Variants in CDH13 observed in about 807,000 individuals in gnomAD.
CDH13 encodes cadherin 13.
CDH13 carries 24 observed loss-of-function variants against 63.8 expected under a neutral mutation model. The observed-to-expected ratio is 0.38, with a 90% confidence interval of 0.27 to 0.53. CDH13 has a LOEUF of 0.53. Among genes scored for constraint, CDH13 ranks in the 20% least tolerant of loss-of-function variants. CDH13 has a pLI of 0.85. For synonymous variants in CDH13, 503 were observed against 355.3 expected, an observed-to-expected ratio of 1.42 and a Z score of -4.67; for missense variants, 1,049 against 903.1, an observed-to-expected ratio of 1.16 and a Z score of -2.07.
intron 2 of CDH13, among the ~76,000 whole-genome samples, chr16:82,904,428 G>C (rs780449002): frequency 6.6e-6 from 1 of 152,144 alleles, no homozygotes; most frequent in Non-Finnish European, 1.5e-5. Context: ...TTTTCTCCAA[G>C]ACACCCTCGT....
At chr16:82,846,523 G>T (rs1035390079) in intron 1 of CDH13, among the ~76,000 whole-genome samples, 1 of 152,132 alleles carries the variant, frequency 6.6e-6, no homozygotes, top group Non-Finnish European at 1.5e-5. Context: ...AGGAAACTAA[G>T]GCAAAGAGAA....
At chr16:83,244,975 T>C (rs1904843408) in intron 5 of CDH13, among the ~76,000 whole-genome samples, 1 of 152,112 alleles carries the variant, frequency 6.6e-6, no homozygotes, top group African/African-American at 2.4e-5. Flanking sequence ...TTTAGGCACG[T>C]TGAGCCACTC....
chr16:83,686,278 C>T (rs1463671727), intron 10 of CDH13, among the ~76,000 whole-genome samples: 4 of 152,212 alleles, frequency 2.6e-5, no homozygotes, highest in East Asian at 1.9e-4. Flanking sequence ...CATCTTCCCA[C>T]GAGACTTTGT....
intron 1 of CDH13, among the ~76,000 whole-genome samples, chr16:82,777,205 G>A (rs1353166730): frequency 6.6e-6 from 1 of 152,152 alleles, no homozygotes; most frequent in African/African-American, 2.4e-5. Flanking sequence ...CTGGCCTCAA[G>A]CAATCCTCTC....
At chr16:83,460,146 G>A (rs1226098500) in intron 6 of CDH13, among the ~76,000 whole-genome samples, 2 of 152,132 alleles carry the variant, frequency 1.3e-5, no homozygotes, top group East Asian at 3.9e-4. Context: ...ATAAAAAACT[G>A]TTCACACTCA....
chr16:83,390,337 A>G (rs575644044), intron 6 of CDH13, among the ~76,000 whole-genome samples: 8 of 152,262 alleles, frequency 5.3e-5, no homozygotes, highest in African/African-American at 1.9e-4. Flanking sequence ...AGAACCCTGC[A>G]TATGCCATAA....
intron 4 of CDH13, among the ~76,000 whole-genome samples, chr16:83,155,936 G>A (rs943038902): frequency 6.6e-6 from 1 of 152,182 alleles, no homozygotes; most frequent in African/African-American, 2.4e-5. Flanking sequence ...CAGTGACCCT[G>A]GAATCTTTGG....
intron 3 of CDH13, among the ~76,000 whole-genome samples, chr16:83,059,726 C>T (rs2031323898): frequency 6.6e-6 from 1 of 151,672 alleles, no homozygotes; most frequent in Admixed American, 6.6e-5. Context: ...GGGTGCTTAT[C>T]CCTCAAACCT....
chr16:82,890,433 C>G (rs994470156), intron 2 of CDH13, among the ~76,000 whole-genome samples: 1 of 152,166 alleles, frequency 6.6e-6, no homozygotes, highest in African/African-American at 2.4e-5. Flanking sequence ...TCTTTAAAAA[C>G]GATTCCTTTG....
At chr16:82,826,220 G>A (rs910851697) in intron 1 of CDH13, 4 of 152,140 alleles carry the variant, frequency 2.6e-5, no homozygotes, top group African/African-American at 7.2e-5. Context: ...AGTACTTTGC[G>A]ATAAACAGCC....
At chr16:82,984,716 A>G (rs1910717415) in intron 2 of CDH13, among the ~76,000 whole-genome samples, 1 of 152,172 alleles carries the variant, frequency 6.6e-6, no homozygotes, top group Admixed American at 6.5e-5. Context: ...AGGTTTGCAC[A>G]ACTAAACGGG....
intron 7 of CDH13, among the ~76,000 whole-genome samples, chr16:83,572,353 C>G (rs1598310255): frequency 6.6e-6 from 1 of 152,202 alleles, no homozygotes; most frequent in East Asian, 1.9e-4. Context: ...GTTGGTCAGG[C>G]TGGTCTCGAA....
At chr16:83,282,501 C>T (rs1033812963) in intron 5 of CDH13, among the ~76,000 whole-genome samples, 1 of 151,610 alleles carries the variant, frequency 6.6e-6, no homozygotes, top group African/African-American at 2.4e-5. Flanking sequence ...AGGCTCCAAC[C>T]CAAAAAATAG....
intron 8 of CDH13, among the ~76,000 whole-genome samples, chr16:83,667,184 A>G (rs1473923512): frequency 1.3e-5 from 2 of 152,174 alleles, no homozygotes; most frequent in African/African-American, 4.8e-5. Context: ...CCAAGGACAT[A>G]TGAGGGCCAC....
At chr16:83,408,361 G>T (rs1054941451) in intron 6 of CDH13, among the ~76,000 whole-genome samples, 1 of 152,124 alleles carries the variant, frequency 6.6e-6, no homozygotes, top group East Asian at 1.9e-4. Flanking sequence ...ATTTGTCATT[G>T]TGCAAACATC....
rs532080146 is a variant in CDH13, at chr16:83,355,592, A to G, written c.781+10586A>G. ...ATTCAATTTTTAAATAAATGGTTGT[A>G]TTTATTGAAAATGTATTCATTCTTT... is the stretch of plus-strand genomic sequence containing the variant. On this transcript the variant is annotated intron_variant, in intron 6 of 13. Coordinates refer to ENST00000567109, the MANE Select transcript of CDH13 (RefSeq NM_001257.5). Among the ~76,000 whole-genome samples, 3 of 152,340 alleles carry G rather than the reference A, an allele frequency of 2.0e-5. 1 individual carries two copies. The South Asian group carries it at 6.2e-4, about 32-fold the overall frequency.
intron 5 of CDH13, among the ~76,000 whole-genome samples, chr16:83,286,401 T>C (rs766230973): frequency 5.9e-5 from 9 of 152,212 alleles, no homozygotes; most frequent in Admixed American, 5.2e-4. Context: ...TTAAAAGGCA[T>C]GCTCCCTCTG....
chr16:83,233,720 TC>T (rs769577118), intron 5 of CDH13, among the ~76,000 whole-genome samples: 1 of 152,214 alleles, frequency 6.6e-6, no homozygotes, highest in Non-Finnish European at 1.5e-5. Flanking sequence ...CTTTATAAGG[TC>T]CCTTATGAGT....
At chr16:83,745,378 A>G (rs1311579090) in intron 10 of CDH13, among the ~76,000 whole-genome samples, 1 of 152,198 alleles carries the variant, frequency 6.6e-6, no homozygotes, top group Non-Finnish European at 1.5e-5. Flanking sequence ...ATACCAACCC[A>G]GACCGCCTCT....
Sources: allele counts gnomAD v4.1 joint callset (sites outside exome capture counted in the v4.1 genomes callset), GRCh38; gene constraint gnomAD v4.1.1; transcripts MANE v1.5; gene names NCBI Gene and HGNC (gene_info 2026-07-23, HGNC 2026-07-21).